Variants in PCDH11Y observed in about 807,000 individuals in gnomAD.
PCDH11Y encodes the protein protocadherin-11 Y-linked.
For synonymous variants in PCDH11Y, 9 were observed against 83.6 expected (o/e 0.11, Z 4.87); for missense variants, 12 against 224.8 (o/e 0.05, Z 6.05).
chrY:5,727,444 T>G (rs2053599710), intron 4 of PCDH11Y, among the ~76,000 whole-genome samples: 1 of 31,942 alleles, frequency 3.1e-5, no homozygotes, highest in Non-Finnish European at 7.7e-5. Flanking sequence ...ATGTCATTTT[T>G]CTAGCTTTGT....
chrY:5,049,629 C>G, intron 3 of PCDH11Y, among the ~76,000 whole-genome samples: 1 of 28,079 alleles, frequency 3.6e-5, no homozygotes, highest in African/African-American at 1.4e-4. Flanking sequence ...TGAGCGATCT[C>G]AGCTCACTGC....
At chrY:5,123,409 T>G in intron 2 of PCDH11Y, among the ~76,000 whole-genome samples, 1 of 32,601 alleles carries the variant, frequency 3.1e-5, no homozygotes, top group Non-Finnish European at 7.5e-5. Flanking sequence ...ACTAGGAGAC[T>G]GAGTTTCAGA....
chrY:5,476,081 C>T, intron 2 of PCDH11Y, among the ~76,000 whole-genome samples: 10 of 32,451 alleles, frequency 3.1e-4, no homozygotes, highest in Non-Finnish European at 2.3e-4. Flanking sequence ...CTACTGTGTA[C>T]TTTATAAACA....
At chrY:5,384,488 C>G (rs2124674736) in intron 2 of PCDH11Y, among the ~76,000 whole-genome samples, 1 of 29,854 alleles carries the variant, frequency 3.3e-5, no homozygotes, top group Non-Finnish European at 8.0e-5. Flanking sequence ...GGTTATGATA[C>G]TCAGGAGAAT....
intron 2 of PCDH11Y, among the ~76,000 whole-genome samples, chrY:5,193,337 G>C: frequency 3.0e-5 from 1 of 33,719 alleles, no homozygotes; most frequent in South Asian, 6.5e-4. Flanking sequence ...AAGTGTGCAT[G>C]TATCTTTTAA....
intron 2 of PCDH11Y, among the ~76,000 whole-genome samples, chrY:5,318,713 A>ATGTGTG (rs760151133): frequency 4.1e-4 from 10 of 24,400 alleles, no homozygotes; most frequent in East Asian, 3.1e-3. Context: ...AAAAAGTAAT[A>ATGTGTG]TGTGTGTGTG....
At chrY:5,309,152 A>G in intron 2 of PCDH11Y, among the ~76,000 whole-genome samples, 7 of 33,304 alleles carry the variant, frequency 2.1e-4, no homozygotes, top group African/African-American at 7.0e-4. Flanking sequence ...TACTTAAATA[A>G]TTTACACATA....
chrY:5,273,407 G>T (rs2124659816), intron 2 of PCDH11Y, among the ~76,000 whole-genome samples: 1 of 33,422 alleles, frequency 3.0e-5, no homozygotes, highest in African/African-American at 1.2e-4. Flanking sequence ...CAGGTGGATG[G>T]GGCACAGCTT....
chrY:5,064,285 AC>A (rs2052681014), intron 1 of PCDH11Y, among the ~76,000 whole-genome samples: 5 of 21,630 alleles, frequency 2.3e-4, no homozygotes, highest in Admixed American at 9.8e-4. Context: ...TTGCGATCTC[AC>A]TTAATCTGGA....
At position 5,482,563 on chromosome Y, in the gene PCDH11Y, G is replaced by T. The variant is rs369642711; in HGVS notation, c.3130-18494G>T. Among the ~76,000 whole-genome samples the T allele has an allele frequency of 4.8e-3, 158 of 33,238 alleles. No homozygotes were observed. In the East Asian group the frequency reaches 0.072, roughly 15 times the overall value. The allele number at this position is 33,238 out of a possible 37,273, so 89.2% of individuals were successfully genotyped here. A position where few individuals can be genotyped will look rare whatever the true frequency, so the allele number is the denominator to read the frequency against. The stretch of plus-strand genomic sequence containing the variant: ...TATTGCTTACTATTAGCATAGCTAT[G>T]ATTGCTTTCTTTTGGCCACTATTTG... On this transcript the variant is annotated intron_variant, in intron 2 of 4. Transcript: ENST00000400457.
chrY:5,212,321 CT>C (rs760074914), intron 2 of PCDH11Y, among the ~76,000 whole-genome samples: 13 of 22,102 alleles, frequency 5.9e-4, no homozygotes, highest in African/African-American at 1.7e-3. Context: ...CATGAAGTGA[CT>C]TTTTTTTTTT....
chrY:5,520,521 A>G (rs1602937482), intron 3 of PCDH11Y, among the ~76,000 whole-genome samples: 2 of 33,042 alleles, frequency 6.1e-5, no homozygotes, highest in African/African-American at 1.2e-4. Context: ...GAAATTAGTT[A>G]CCTATTGATA....
At chrY:5,041,004 T>C (rs2052606840) in intron 3 of PCDH11Y, among the ~76,000 whole-genome samples, 1 of 32,489 alleles carries the variant, frequency 3.1e-5, no homozygotes, top group Non-Finnish European at 7.6e-5. Flanking sequence ...GTTGTAGTGA[T>C]ATATTCTTGG....
intron 4 of PCDH11Y, among the ~76,000 whole-genome samples, chrY:5,599,915 G>A: frequency 3.1e-5 from 1 of 31,752 alleles, no homozygotes; most frequent in Non-Finnish European, 7.6e-5. Context: ...TTAAGCAGAG[G>A]TAAGATCATC....
intron 2 of PCDH11Y, among the ~76,000 whole-genome samples, chrY:5,228,643 G>C (rs2124653461): frequency 6.2e-5 from 2 of 32,207 alleles, no homozygotes; most frequent in East Asian, 1.6e-3. Flanking sequence ...TTTGTTTCAA[G>C]AAATTTTTGA....
chrY:5,213,059 A>G, intron 2 of PCDH11Y, among the ~76,000 whole-genome samples: 9 of 26,553 alleles, frequency 3.4e-4, no homozygotes, highest in Non-Finnish European at 7.7e-4. Flanking sequence ...TAAACTAGTT[A>G]TAGCAATCAA....
intron 3 of PCDH11Y, among the ~76,000 whole-genome samples, chrY:5,040,089 C>T (rs2052605209): frequency 3.4e-5 from 1 of 29,274 alleles, no homozygotes; most frequent in African/African-American, 1.4e-4. Flanking sequence ...GAGCCAAAAT[C>T]GCACCACTGC....
intron 2 of PCDH11Y, among the ~76,000 whole-genome samples, chrY:5,149,318 C>T: frequency 3.1e-5 from 1 of 31,912 alleles, no homozygotes; most frequent in Admixed American, 3.0e-4. Context: ...CAGCACATGG[C>T]TTTAGAAGGC....
At chrY:5,207,581 C>T (rs2052933754) in intron 2 of PCDH11Y, 4 of 373,634 alleles carry the variant, frequency 1.1e-5, no homozygotes, top group Admixed American at 7.9e-5. Flanking sequence ...TGGGTCACTC[C>T]GGACTTTGCA....
Sources: gnomAD v4.1 joint callset for allele counts (sites outside exome capture counted in the v4.1 genomes callset) on GRCh38, gnomAD v4.1.1 for gene constraint, MANE v1.5 for transcripts, NCBI Gene and HGNC (gene_info 2026-07-23, HGNC 2026-07-21) for gene names.